Variants in TSC22D1 observed in about 807,000 individuals in gnomAD.
The protein encoded by TSC22D1 is TSC22 domain family protein 1.
TSC22D1 carries 9 observed loss-of-function variants against 74.2 expected under a neutral mutation model. That is an observed-to-expected ratio of 0.12 (90% CI 0.07 to 0.21). The LOEUF is 0.21. Among genes scored for constraint, TSC22D1 ranks in the 10% least tolerant of loss-of-function variants. TSC22D1 has a pLI of 1.00. For synonymous variants in TSC22D1, 586 were observed against 492.5 expected (o/e 1.19, Z -2.51); for missense variants, 1,427 against 1,304.7 (o/e 1.09, Z -1.44).
At chr13:44,557,061 T>C (rs990318538) in intron 1 of TSC22D1, among the ~76,000 whole-genome samples, 2 of 151,162 alleles carry the variant, frequency 1.3e-5, no homozygotes, top group Admixed American at 1.3e-4. Flanking sequence ...GAGAATGGCT[T>C]GAACCCGGGA....
At chr13:44,445,567 A>G (rs1875568414) in intron 1 of TSC22D1, among the ~76,000 whole-genome samples, 1 of 152,136 alleles carries the variant, frequency 6.6e-6, no homozygotes, top group South Asian at 2.1e-4. Flanking sequence ...TTGAAAGATA[A>G]TGTTACAAGA....
chr13:44,573,494 G>C lies in TSC22D1; in HGVS notation c.2581C>G (p.Pro861Ala), dbSNP rs772071658. Reference sequence around the variant, plus strand: ...ACCAAATTACCATTTTGGGTAGCAGGGGTTTGTGCTATATTTTGTGGTGGA... The same window carrying C: ...ACCAAATTACCATTTTGGGTAGCAGCGGTTTGTGCTATATTTTGTGGTGGA... ...LVPPQNIAQTPATQNGNLVQS... is the reference protein window; with the variant it reads ...LVPPQNIAQTAATQNGNLVQS... The change falls in exon 1 of 3, where the codon CCT (proline) becomes GCT (alanine). Residue 861 changes from proline (P) to alanine (A), a missense_variant. By Grantham distance (27) the Pro-to-Ala change is conservative (BLOSUM62 -1). This residue lies in a region of TSC22D1 where 1,343 missense variants were observed against 1,191.5 expected (regional missense o/e 1.13). Transcript: ENST00000458659. The C allele has an allele frequency of 5.0e-6, 8 of 1,614,222 alleles. No individual in the cohort carries two copies. Among genetic ancestry groups the C allele is most frequent in the Non-Finnish European group, 3.4e-6 (4 of 1,180,044 alleles).
intron 1 of TSC22D1, among the ~76,000 whole-genome samples, chr13:44,451,904 G>A (rs1182922896): frequency 6.6e-6 from 1 of 152,200 alleles, no homozygotes; most frequent in Non-Finnish European, 1.5e-5. Flanking sequence ...CCGAGGAGAG[G>A]ACTGCAAACT....
At chr13:44,564,437 G>A (rs756751870) in intron 1 of TSC22D1, among the ~76,000 whole-genome samples, 3 of 152,180 alleles carry the variant, frequency 2.0e-5, no homozygotes, top group Non-Finnish European at 2.9e-5. Context: ...TGGTACGTCA[G>A]AGGCAGCCTC....
chr13:44,552,478 C>T (rs1055225031), intron 1 of TSC22D1, among the ~76,000 whole-genome samples: 7 of 152,112 alleles, frequency 4.6e-5, no homozygotes, highest in East Asian at 1.9e-4. Flanking sequence ...ACAAGATTTC[C>T]GTCAGGAATA....
At chr13:44,555,511 C>T (rs537582924) in intron 1 of TSC22D1, among the ~76,000 whole-genome samples, 2 of 152,042 alleles carry the variant, frequency 1.3e-5, no homozygotes, top group South Asian at 2.1e-4. Flanking sequence ...GAGGCTGAGG[C>T]GGGAGAACCA....
At chr13:44,550,642 G>C (rs1165317764) in intron 1 of TSC22D1, among the ~76,000 whole-genome samples, 1 of 151,310 alleles carries the variant, frequency 6.6e-6, no homozygotes, top group Admixed American at 6.6e-5. Flanking sequence ...ATTCCCTTCA[G>C]TTTTTAATAA....
intron 1 of TSC22D1, among the ~76,000 whole-genome samples, chr13:44,487,583 A>C (rs1878503959): frequency 6.6e-6 from 1 of 151,824 alleles, no homozygotes; most frequent in Non-Finnish European, 1.5e-5. Flanking sequence ...AAAATTCTTA[A>C]AAACAAAATT....
intron 1 of TSC22D1, among the ~76,000 whole-genome samples, chr13:44,451,864 G>A (rs904071566): frequency 1.3e-5 from 2 of 152,158 alleles, no homozygotes; most frequent in African/African-American, 2.4e-5. Context: ...CTATCCCACC[G>A]ATCACCAATA....
intron 1 of TSC22D1, among the ~76,000 whole-genome samples, chr13:44,449,045 G>A (rs907516122): frequency 2.6e-5 from 4 of 152,214 alleles, no homozygotes; most frequent in Non-Finnish European, 5.9e-5. Flanking sequence ...GAGGCTGTGT[G>A]GAAACCACAG....
chr13:44,441,407 A>C (rs1235188913), intron 1 of TSC22D1, among the ~76,000 whole-genome samples: 1 of 152,250 alleles, frequency 6.6e-6, no homozygotes, highest in Non-Finnish European at 1.5e-5. Flanking sequence ...AAAACACGGA[A>C]TGCTCATAAA....
At chr13:44,521,682 G>GAA (rs79105986) in intron 1 of TSC22D1, among the ~76,000 whole-genome samples, 43 of 118,496 alleles carry the variant, frequency 3.6e-4, no homozygotes, top group African/African-American at 1.0e-3. Context: ...ACAAAGAATG[G>GAA]AAAAAAAAAA....
chr13:44,440,978 A>G (rs189088473), intron 1 of TSC22D1, among the ~76,000 whole-genome samples: 1 of 152,386 alleles, frequency 6.6e-6, no homozygotes. Flanking sequence ...TTTTTTATCC[A>G]GAATTCTTTA....
At chr13:44,441,655 T>A (rs946158331) in intron 1 of TSC22D1, among the ~76,000 whole-genome samples, 1 of 152,064 alleles carries the variant, frequency 6.6e-6, no homozygotes, top group African/African-American at 2.4e-5. Context: ...CAACTAAAAC[T>A]TAAAAGTGGC....
intron 1 of TSC22D1, among the ~76,000 whole-genome samples, chr13:44,516,002 A>G (rs1879961833): frequency 2.0e-5 from 3 of 152,234 alleles, no homozygotes; most frequent in Admixed American, 1.3e-4. Flanking sequence ...CTTCTAGTAT[A>G]CTATTTTCAA....
intron 1 of TSC22D1, among the ~76,000 whole-genome samples, chr13:44,506,224 G>C (rs1879440087): frequency 6.6e-6 from 1 of 152,166 alleles, no homozygotes; most frequent in Admixed American, 6.5e-5. Flanking sequence ...TTTAAATATG[G>C]TCCCAGAAGG....
chr13:44,537,482 A>G (rs1291743597), intron 1 of TSC22D1: 1 of 985,050 alleles, frequency 1.0e-6, no homozygotes, highest in Non-Finnish European at 1.2e-6. Context: ...AAAAGCTTAT[A>G]ATCTCACAGG....
intron 1 of TSC22D1, among the ~76,000 whole-genome samples, chr13:44,505,221 G>C (rs1879393019): frequency 6.6e-6 from 1 of 152,266 alleles, no homozygotes; most frequent in South Asian, 2.1e-4. Context: ...TTGAAGCCAG[G>C]CGCTTGAGTC....
intron 1 of TSC22D1, among the ~76,000 whole-genome samples, chr13:44,560,791 C>T (rs1450466895): frequency 6.6e-6 from 1 of 152,166 alleles, no homozygotes; most frequent in Non-Finnish European, 1.5e-5. Flanking sequence ...TTCCTTAAAA[C>T]AATATAACGA....
Sources: allele counts gnomAD v4.1 joint callset (sites outside exome capture counted in the v4.1 genomes callset), GRCh38; gene constraint gnomAD v4.1.1; regional missense constraint gnomAD v4.1.1; transcripts MANE v1.5; gene names NCBI Gene and HGNC (gene_info 2026-07-23, HGNC 2026-07-21).